SLC25A36: variants seen among roughly 807,000 people sequenced by gnomAD.
SLC25A36 encodes solute carrier family 25 member 36, also known as epididymis secretory sperm binding protein.
Under a neutral mutation model 35.3 loss-of-function variants are expected in SLC25A36, and 24 were observed. That is an observed-to-expected ratio of 0.68 (90% CI 0.49 to 0.96). The LOEUF is 0.96. Ranked by LOEUF, SLC25A36 falls within the 40% of genes least tolerant of loss-of-function variation. SLC25A36 has a pLI of 0.00. For missense variants in SLC25A36, 294 were observed against 381.1 expected (o/e 0.77, Z 1.90); for synonymous variants, 141 against 132.2 (o/e 1.07, Z -0.46).
chr3:140,965,740 T>A (rs530094726), intron 4 of SLC25A36: 1 of 151,990 alleles, frequency 6.6e-6, no homozygotes, highest in Non-Finnish European at 1.5e-5. Context: ...TTAATCAGAT[T>A]AAATAATGTT....
intron 3 of SLC25A36, among the ~76,000 whole-genome samples, chr3:140,961,703 A>G (rs1934630750): frequency 6.6e-6 from 1 of 151,854 alleles, no homozygotes; most frequent in African/African-American, 2.4e-5. Context: ...AAAATATAAA[A>G]AAATTAGCCG....
chr3:140,970,919 T>G lies in SLC25A36; in HGVS notation c.386-8T>G. The G allele has an allele frequency of 1.5e-6, 2 of 1,374,620 alleles. No individual in the cohort carries two copies. The highest frequency in any genetic ancestry group is 2.1e-6 in the Non-Finnish European group (2 of 964,982). The allele number at this position is 1,374,620 out of a possible 1,614,324, so 85.2% of individuals were successfully genotyped here. The stretch of plus-strand genomic sequence containing the variant: ...TTACCAGAGTTCATTTTAAACATGT[T>G]TGTTTAGGTTTTACTGCAATCACAG... On this transcript the variant is annotated splice_polypyrimidine_tract_variant and splice_region_variant and intron_variant, in intron 4 of 6. Transcript: ENST00000324194.
intron 3 of SLC25A36, among the ~76,000 whole-genome samples, chr3:140,962,316 G>A (rs1934651032): frequency 6.6e-6 from 1 of 152,122 alleles, no homozygotes; most frequent in Non-Finnish European, 1.5e-5. Flanking sequence ...GAGTAATCAG[G>A]ATTTTTGGGG....
In SLC25A36 at chr3:140,974,014, A is replaced by G. The variant is rs994116219; in HGVS notation, c.742+9A>G. On this transcript the variant is annotated intron_variant, in intron 6 of 6. Transcript: ENST00000324194. ...TATAGCATATCCACATGGTAAGAAG[A>G]GTTATCTATTAAATCAGAAATATTT... The G allele has an allele frequency of 3.3e-6, 5 of 1,501,930 alleles. No homozygotes were observed. In the African/African-American group the frequency reaches 4.2e-5, roughly 13 times the overall value. The allele number at this position is 1,501,930 out of a possible 1,614,324, so 93.0% of individuals were successfully genotyped here. A position where few individuals can be genotyped will look rare whatever the true frequency, so the allele number is the denominator to read the frequency against.
At chr3:140,953,954 A>AG (rs1336855989) in intron 1 of SLC25A36, among the ~76,000 whole-genome samples, 1 of 152,188 alleles carries the variant, frequency 6.6e-6, no homozygotes, top group Non-Finnish European at 1.5e-5. Context: ...TTGGTGACAG[A>AG]GCAAGACACT....
chr3:140,944,957 A>G (rs748698751), intron 1 of SLC25A36, among the ~76,000 whole-genome samples: 1 of 152,142 alleles, frequency 6.6e-6, no homozygotes, highest in Non-Finnish European at 1.5e-5. Flanking sequence ...CTCTGACCAT[A>G]TTTTTATTAG....
At chr3:140,967,271 C>A (rs1934784940) in intron 4 of SLC25A36, among the ~76,000 whole-genome samples, 1 of 151,670 alleles carries the variant, frequency 6.6e-6, no homozygotes, top group African/African-American at 2.4e-5. Context: ...CAGCCTTGAC[C>A]TCCAAAGAAT....
chr3:140,959,392 T>G (rs1018827841), intron 2 of SLC25A36, 71 bp from the exon 3 acceptor site: 1 of 846,666 alleles, frequency 1.2e-6, no homozygotes, highest in Middle Eastern at 3.3e-4. Context: ...GACTCTAACT[T>G]TATATACAAA....
At chr3:140,973,554 T>A (rs1934960603) in intron 5 of SLC25A36, 162 bp from the exon 6 acceptor site, 1 of 549,988 alleles carries the variant, frequency 1.8e-6, no homozygotes, top group Non-Finnish European at 2.8e-6. Context: ...ATGACAAATT[T>A]GGGACAAAAG....
intron 4 of SLC25A36, 193 bp from the exon 5 acceptor site, chr3:140,970,734 A>G: frequency 2.4e-6 from 1 of 413,652 alleles, no homozygotes; most frequent in Non-Finnish European, 4.4e-6. Flanking sequence ...AGTTAAGGAC[A>G]GAATTTGAGA....
chr3:140,964,928 T>C (rs1246073778), intron 4 of SLC25A36: 1 of 151,890 alleles, frequency 6.6e-6, no homozygotes, highest in African/African-American at 2.4e-5. Flanking sequence ...CACTTTTTTC[T>C]CAAATGTGTA....
intron 4 of SLC25A36, chr3:140,970,682 G>A (rs1934877712): frequency 3.3e-6 from 1 of 302,086 alleles, no homozygotes; most frequent in Non-Finnish European, 6.2e-6. Flanking sequence ...AAGTAGGTTG[G>A]GAAAGCAATT....
intron 4 of SLC25A36, among the ~76,000 whole-genome samples, chr3:140,967,429 C>A (rs1056327895): frequency 9.9e-5 from 15 of 151,616 alleles, no homozygotes; most frequent in African/African-American, 3.4e-4. Flanking sequence ...ACTTGGCTTT[C>A]TTAGAACTCT....
chr3:140,959,413 T>C lies in SLC25A36; in HGVS notation c.207-50T>C, dbSNP rs761630645. On this transcript the variant is annotated intron_variant, in intron 2 of 6. Coordinates refer to ENST00000324194, the MANE Select transcript of SLC25A36 (RefSeq NM_001104647.3). ...AACTTTATATACAAAGTAAATAAAG[T>C]ACCAGACTTTGAAAGATATTTCTGA... 3.3e-5 allele frequency: 32 copies of C among 969,806 alleles called. No individual in the cohort carries two copies. The African/African-American group carries it at 5.4e-4, about 16-fold the overall frequency. The allele number at this position is 969,806 out of a possible 1,614,324, so 60.1% of individuals were successfully genotyped here.
At chr3:140,952,019 CTTT>C (rs200986661) in intron 1 of SLC25A36, among the ~76,000 whole-genome samples, 4 of 137,414 alleles carry the variant, frequency 2.9e-5, no homozygotes, top group Non-Finnish European at 3.2e-5. Context: ...TTCTTTCTCT[CTTT>C]TTTTTTTTTT....
intron 2 of SLC25A36, among the ~76,000 whole-genome samples, chr3:140,957,506 CTGAGGTGGGTGGA>C (rs1373242003): frequency 6.6e-6 from 1 of 152,142 alleles, no homozygotes; most frequent in Non-Finnish European, 1.5e-5. Context: ...CTTTGGGAGG[CTGAGGTGGGTGGA>C]TCATCTGAGG....
At chr3:140,968,474 T>C (rs1936533552) in intron 4 of SLC25A36, 2 of 983,598 alleles carry the variant, frequency 2.0e-6, no homozygotes, top group Non-Finnish European at 1.2e-6. Context: ...AATTTTAATG[T>C]GTCCTGTTAC....
chr3:140,955,653 C>T (rs1469673915), intron 1 of SLC25A36, among the ~76,000 whole-genome samples: 4 of 152,082 alleles, frequency 2.6e-5, no homozygotes, highest in South Asian at 4.2e-4. Context: ...CAGTTTTCCA[C>T]GTGTAGGCCT....
At chr3:140,943,463 C>G (rs1022370269) in intron 1 of SLC25A36, among the ~76,000 whole-genome samples, 1 of 152,140 alleles carries the variant, frequency 6.6e-6, no homozygotes, top group Admixed American at 6.5e-5. Flanking sequence ...AGTTTGCTTT[C>G]CATATTTCTG....
Sources: gnomAD v4.1 joint callset for allele counts (sites outside exome capture counted in the v4.1 genomes callset) on GRCh38, gnomAD v4.1.1 for gene constraint, MANE v1.5 for transcripts, NCBI Gene and HGNC (gene_info 2026-07-23, HGNC 2026-07-21) for gene names.